The following ENOX2 variants were observed in gnomAD, a reference collection of about 807,000 sequenced individuals.
The protein encoded by ENOX2 is APK1 antigen.
ENOX2 carries 36 observed loss-of-function variants against 45.0 expected under a neutral mutation model. That is an observed-to-expected ratio of 0.80 (90% CI 0.61 to 1.06). The LOEUF is 1.06. Ranked by LOEUF, ENOX2 falls within the 50% of genes least tolerant of loss-of-function variation. The probability of loss-of-function intolerance (pLI) is 0.00; values close to 1 mark genes in which losing one functional copy is unlikely to be tolerated. For synonymous variants in ENOX2, 174 were observed against 152.3 expected, an observed-to-expected ratio of 1.14 and a Z score of -1.05; for missense variants, 423 against 462.5, an observed-to-expected ratio of 0.91 and a Z score of 0.78.
At chrX:130,712,511 C>T (rs1255778080) in intron 3 of ENOX2, among the ~76,000 whole-genome samples, 2 of 111,439 alleles carry the variant, frequency 1.8e-5, no homozygotes, top group Non-Finnish European at 1.9e-5. Context: ...TGATATATGA[C>T]CTTCCAGGGG....
intron 2 of ENOX2, among the ~76,000 whole-genome samples, chrX:130,875,214 A>C (rs2078673282): frequency 9.0e-6 from 1 of 110,896 alleles, no homozygotes; most frequent in Non-Finnish European, 1.9e-5. Flanking sequence ...CCTTTTAAAA[A>C]TCAGTCACTC....
At chrX:130,901,148 G>C (rs2079138174) in intron 2 of ENOX2, among the ~76,000 whole-genome samples, 1 of 112,345 alleles carries the variant, frequency 8.9e-6, no homozygotes, top group African/African-American at 3.2e-5. Context: ...TTCTGACATA[G>C]AAATTTTAAG....
intron 3 of ENOX2, among the ~76,000 whole-genome samples, chrX:130,733,709 G>A (rs1264947358): frequency 8.9e-6 from 1 of 112,299 alleles, no homozygotes. Flanking sequence ...CATATTGTAT[G>A]ATTCCATTTA....
Position 130,625,154 on chromosome X carries a change from G to T in ENOX2, c.*160C>A. 1.8e-6 allele frequency: 1 copy of T among 555,811 alleles called. No individual in the cohort carries two copies. Among genetic ancestry groups the T allele is most frequent in the Non-Finnish European group, 2.7e-6 (1 of 363,925 alleles). 45.8% of individuals were successfully genotyped at this position (555,811 alleles called of 1,213,427 possible). On this transcript the variant is annotated 3_prime_UTR_variant, in exon 15 of 15. Coordinates refer to ENST00000394363, the MANE Select transcript of ENOX2 (RefSeq NM_006375.4). ...CTCTTTAGGGCCTGTAGTTCGAGGT[G>T]CTGTCCTAGGATCCTTATTTTAACT...
At chrX:130,873,750 T>C (rs1265527475) in intron 2 of ENOX2, among the ~76,000 whole-genome samples, 1 of 111,166 alleles carries the variant, frequency 9.0e-6, no homozygotes, top group Admixed American at 9.5e-5. Flanking sequence ...TGCAGGGACA[T>C]GGATGAAGCT....
At chrX:130,707,721 C>T (rs2038076484) in intron 3 of ENOX2, among the ~76,000 whole-genome samples, 1 of 112,241 alleles carries the variant, frequency 8.9e-6, no homozygotes, top group Non-Finnish European at 1.9e-5. Context: ...TTTTGTTACA[C>T]ATTATTATGC....
intron 2 of ENOX2, among the ~76,000 whole-genome samples, chrX:130,885,594 A>T (rs2078888670): frequency 8.9e-6 from 1 of 112,399 alleles, no homozygotes; most frequent in South Asian, 3.6e-4. Flanking sequence ...TACAGTCATA[A>T]AAGCCACCTA....
intron 10 of ENOX2, chrX:130,645,799 C>G (rs1218342353): frequency 1.3e-6 from 1 of 791,339 alleles, no homozygotes; most frequent in African/African-American, 2.1e-5. Flanking sequence ...TTTGGGCTGT[C>G]GCTTGTCTAC....
chrX:130,793,664 C>T (rs1260846415), intron 2 of ENOX2, among the ~76,000 whole-genome samples: 2 of 111,633 alleles, frequency 1.8e-5, no homozygotes, highest in Non-Finnish European at 3.8e-5. Context: ...TGTGTTTTTT[C>T]TGTGGGGCTG....
At chrX:130,714,216 G>A (rs1208541267) in intron 3 of ENOX2, among the ~76,000 whole-genome samples, 1 of 111,912 alleles carries the variant, frequency 8.9e-6, no homozygotes, top group Non-Finnish European at 1.9e-5. Context: ...CCACTTCCTT[G>A]CCATAGAAAA....
At chrX:130,742,356 A>G (rs2039006026) in intron 3 of ENOX2, among the ~76,000 whole-genome samples, 1 of 104,726 alleles carries the variant, frequency 9.5e-6, no homozygotes, top group African/African-American at 3.5e-5. Context: ...TGTAGATCAG[A>G]CCAGATAATA....
chrX:130,832,157 C>G (rs902311176), intron 2 of ENOX2, among the ~76,000 whole-genome samples: 1 of 110,621 alleles, frequency 9.0e-6, no homozygotes, highest in Admixed American at 9.7e-5. Flanking sequence ...GTCAAATATG[C>G]TCCGTCTCAC....
intron 3 of ENOX2, among the ~76,000 whole-genome samples, chrX:130,722,736 T>C (rs1447990202): frequency 8.9e-6 from 1 of 112,244 alleles, no homozygotes; most frequent in East Asian, 2.8e-4. Flanking sequence ...CGGGGATTAT[T>C]AAATTCCACC....
intron 3 of ENOX2, among the ~76,000 whole-genome samples, chrX:130,733,350 C>CT (rs34420863): frequency 0.019 from 1,944 of 99,851 alleles, 40 homozygotes; most frequent in Admixed American, 0.075. Flanking sequence ...GTTAGAATGG[C>CT]TTTTTTTTTT....
chrX:130,680,171 G>C (rs971495669), intron 5 of ENOX2, among the ~76,000 whole-genome samples: 16 of 112,154 alleles, frequency 1.4e-4, no homozygotes, highest in African/African-American at 5.2e-4. Context: ...TCAGATTGTA[G>C]TTACTACATT....
rs935996395 is a variant in ENOX2, at chrX:130,891,076, C to T, written c.-183+10608G>A. ...ATATACTTGGCCGGGCATGGTGGCT[C>T]ACACCAATAATCCTAGTACTTTGGG... On this transcript the variant is annotated intron_variant, in intron 2 of 14. Transcript: ENST00000394363. 2.7e-5 allele frequency among the ~76,000 whole-genome samples: 3 copies of T among 111,669 alleles called. No individual in the cohort carries two copies. In the Admixed American group the frequency reaches 2.9e-4, roughly 11 times the overall value.
intron 2 of ENOX2, among the ~76,000 whole-genome samples, chrX:130,832,757 A>AG (rs2077858788): frequency 1.8e-5 from 2 of 110,505 alleles, no homozygotes; most frequent in African/African-American, 6.6e-5. Context: ...CTTTGAGAGC[A>AG]GGGGTCTCCT....
At chrX:130,808,224 C>T (rs759188348) in intron 2 of ENOX2, among the ~76,000 whole-genome samples, 2 of 112,105 alleles carry the variant, frequency 1.8e-5, no homozygotes, top group Admixed American at 9.4e-5. Context: ...AGAAAATAAA[C>T]AAAATAAATA....
chrX:130,838,192 G>GC (rs2077959010), intron 2 of ENOX2, among the ~76,000 whole-genome samples: 1 of 111,422 alleles, frequency 9.0e-6, no homozygotes, highest in Admixed American at 9.5e-5. Flanking sequence ...GACCAGCCTG[G>GC]CCAACATGGT....
Sources: gnomAD v4.1 joint callset for allele counts (sites outside exome capture counted in the v4.1 genomes callset) on GRCh38, gnomAD v4.1.1 for gene constraint, MANE v1.5 for transcripts, NCBI Gene and HGNC (gene_info 2026-07-23, HGNC 2026-07-21) for gene names.